APP: variants seen among roughly 807,000 people sequenced by gnomAD.
APP encodes amyloid-beta precursor protein.
In APP, 31 loss-of-function variants were observed where a neutral mutation model predicts 101.4. The observed-to-expected ratio is 0.31, with a 90% confidence interval of 0.23 to 0.41. The LOEUF (loss-of-function observed/expected upper bound fraction) is 0.41, where lower values mean the gene tolerates loss of function less well. Ranked by LOEUF, APP falls within the 10% of genes least tolerant of loss-of-function variation. The pLI is 1.00. For missense variants in APP, 839 were observed against 1,003.7 expected, an observed-to-expected ratio of 0.84 and a Z score of 2.22; for synonymous variants, 366 against 364.4, an observed-to-expected ratio of 1.00 and a Z score of -0.05.
chr21:26,107,964 T>C (rs1223751783), intron 2 of APP, among the ~76,000 whole-genome samples: 1 of 152,196 alleles, frequency 6.6e-6, no homozygotes, highest in Non-Finnish European at 1.5e-5. Flanking sequence ...TAATGAAAGA[T>C]GTATTTAAAA....
chr21:25,914,378 T>C (rs1406084434), intron 13 of APP, among the ~76,000 whole-genome samples: 2 of 151,710 alleles, frequency 1.3e-5, no homozygotes, highest in Admixed American at 6.6e-5. Context: ...ACTGTGGTAG[T>C]AGTGAGAGAT....
At chr21:25,883,516 C>T (rs185903808) in intron 17 of APP, among the ~76,000 whole-genome samples, 58 of 152,176 alleles carry the variant, frequency 3.8e-4, no homozygotes, top group African/African-American at 1.3e-3. Context: ...ATAGTGAAAC[C>T]CCATCTTTAA....
intron 4 of APP, 87 bp downstream of exon 4, chr21:26,053,149 G>A: frequency 2.1e-6 from 2 of 960,894 alleles, no homozygotes; most frequent in Non-Finnish European, 3.4e-6. Context: ...CAACATAGCT[G>A]TTGCCTCAAA....
intron 16 of APP, among the ~76,000 whole-genome samples, chr21:25,895,143 A>G (rs570033113): frequency 9.9e-5 from 15 of 151,626 alleles, no homozygotes; most frequent in African/African-American, 3.6e-4. Context: ...GCTATTGCAC[A>G]TGTAACAGAC....
At chr21:26,027,835 C>T (rs1311802634) in intron 5 of APP, among the ~76,000 whole-genome samples, 1 of 129,400 alleles carries the variant, frequency 7.7e-6, no homozygotes, top group South Asian at 2.6e-4. Context: ...GGCATAAGCC[C>T]ACCTGGGGCC....
intron 6 of APP, among the ~76,000 whole-genome samples, chr21:26,010,629 G>C (rs1235100459): frequency 6.6e-6 from 1 of 151,476 alleles, no homozygotes; most frequent in Non-Finnish European, 1.5e-5. Flanking sequence ...GGCTAACATG[G>C]TGAAACCCTG....
rs1295771950 is a variant in APP at position 26,170,641 on chromosome 21, C to T, written c.-21G>A. On this transcript the variant is annotated 5_prime_UTR_variant, in exon 1 of 18. Coordinates refer to ENST00000346798, the MANE Select transcript of APP (RefSeq NM_000484.4). ...AGCATCGCGACCCTGCGCGGGGCAC[C>T]GAGTGCGCTGCTGTGCGAGTGGGAT... is the stretch of plus-strand genomic sequence containing the variant. 6.5e-7 allele frequency: 1 copy of T among 1,531,748 alleles called. No individual in the cohort carries two copies. Among genetic ancestry groups the T allele is most frequent in the Admixed American group, 2.0e-5 (1 of 50,624 alleles). The allele number at this position is 1,531,748 out of a possible 1,614,324, so 94.9% of individuals were successfully genotyped here.
At chr21:26,100,300 A>G (rs533347079) in intron 2 of APP, among the ~76,000 whole-genome samples, 2 of 152,346 alleles carry the variant, frequency 1.3e-5, no homozygotes, top group South Asian at 4.1e-4. Flanking sequence ...ATATCCACAT[A>G]TAGACAGCCT....
intron 1 of APP, among the ~76,000 whole-genome samples, chr21:26,117,748 A>G (rs1357191954): frequency 6.6e-6 from 1 of 152,200 alleles, no homozygotes; most frequent in Non-Finnish European, 1.5e-5. Flanking sequence ...AAATGTGATG[A>G]CTGAAACTGC....
chr21:25,931,398 G>A (rs2040141369), intron 13 of APP, among the ~76,000 whole-genome samples: 1 of 152,338 alleles, frequency 6.6e-6, no homozygotes. Flanking sequence ...CTTTCAGTTT[G>A]TGGGATACAG....
chr21:26,092,546 A>G (rs571102723), intron 2 of APP, among the ~76,000 whole-genome samples: 1 of 152,352 alleles, frequency 6.6e-6, no homozygotes, highest in East Asian at 1.9e-4. Flanking sequence ...ATGAACAGAT[A>G]GAGCACAGAA....
intron 11 of APP, among the ~76,000 whole-genome samples, chr21:25,972,811 T>G (rs918355252): frequency 5.7e-5 from 8 of 140,716 alleles, no homozygotes; most frequent in African/African-American, 2.1e-4. Flanking sequence ...AAACATGTTG[T>G]TTTTTTTTTA....
At chr21:26,111,087 T>TA (rs576900084) in intron 2 of APP, among the ~76,000 whole-genome samples, 10,273 of 87,986 alleles carry the variant, frequency 0.12, 678 homozygotes, top group African/African-American at 0.21. Flanking sequence ...AAAGTTAAGT[T>TA]AAAAAAAAAA....
chr21:26,072,183 C>T (rs1239176655), intron 3 of APP, among the ~76,000 whole-genome samples: 2 of 152,308 alleles, frequency 1.3e-5, no homozygotes, highest in East Asian at 1.9e-4. Flanking sequence ...ACAGTTCTCA[C>T]GTGCAAAAGA....
At chr21:26,104,273 A>T (rs9974096) in intron 2 of APP, among the ~76,000 whole-genome samples, 74,465 of 151,732 alleles carry the variant, frequency 0.49, 21,819 homozygotes, top group Non-Finnish European at 0.65. Context: ...GGGGGAACAC[A>T]AACATTCATC....
Position 26,051,329 on chromosome 21 carries a change from T to C in APP, c.469-136A>G, listed in dbSNP as rs562867780. On this transcript the variant is annotated intron_variant, in intron 4 of 17. Transcript: ENST00000346798. Reference sequence around the variant, plus strand: ...CACAAAGGAAAAGATTATTTGCTTTTTGAGTGAATTTACAACAGGATTTTT... The same window carrying C: ...CACAAAGGAAAAGATTATTTGCTTTCTGAGTGAATTTACAACAGGATTTTT... The C allele has an allele frequency of 1.5e-5, 14 of 953,470 alleles. No homozygotes were observed. The South Asian group carries it at 1.7e-4, about 12-fold the overall frequency. The allele number at this position is 953,470 out of a possible 1,614,324, so 59.1% of individuals were successfully genotyped here.
intron 1 of APP, among the ~76,000 whole-genome samples, chr21:26,146,262 G>C (rs1013585799): frequency 2.0e-5 from 3 of 152,190 alleles, no homozygotes; most frequent in Non-Finnish European, 2.9e-5. Context: ...CTTGAACCTG[G>C]GAGGCAGAGG....
chr21:26,051,197 C>T lies in APP; in HGVS notation c.469-4G>A, dbSNP rs202050400. ...TGGTACTCTTCTCACTGCATGTCTACAAAGTGTAAGGAGAAAACAGTGAGT... is the reference window on the plus strand; with the variant it reads ...TGGTACTCTTCTCACTGCATGTCTATAAAGTGTAAGGAGAAAACAGTGAGT... On this transcript the variant is annotated splice_polypyrimidine_tract_variant and splice_region_variant and intron_variant, in intron 4 of 17. Coordinates refer to ENST00000346798, the MANE Select transcript of APP (RefSeq NM_000484.4). 6.8e-6 allele frequency: 11 copies of T among 1,612,220 alleles called. No individual in the cohort carries two copies. The African/African-American group carries it at 1.3e-4, about 20-fold the overall frequency.
At chr21:25,906,313 A>C (rs190198817) in intron 14 of APP, among the ~76,000 whole-genome samples, 8 of 152,380 alleles carry the variant, frequency 5.3e-5, no homozygotes, top group African/African-American at 1.4e-4. Flanking sequence ...TGGAGTCAAA[A>C]GGAGGGTGAG....
Sources: gnomAD v4.1 joint callset for allele counts (sites outside exome capture counted in the v4.1 genomes callset) on GRCh38, gnomAD v4.1.1 for gene constraint, MANE v1.5 for transcripts, NCBI Gene and HGNC (gene_info 2026-07-23, HGNC 2026-07-21) for gene names.